ZNF800: variants seen among roughly 807,000 people sequenced by gnomAD.
ZNF800 encodes the protein zinc finger protein 800.
A neutral mutation model predicts 59.5 loss-of-function variants in ZNF800; 13 were observed. That is an observed-to-expected ratio of 0.22 (90% CI 0.14 to 0.35). ZNF800 has a LOEUF of 0.35. Ranked by LOEUF, ZNF800 falls within the 10% of genes least tolerant of loss-of-function variation. The pLI, the probability that ZNF800 is intolerant of heterozygous loss-of-function variation, is 1.00. For missense variants in ZNF800, 621 were observed against 783.7 expected (o/e 0.79, Z 2.48); for synonymous variants, 266 against 265.7 (o/e 1.00, Z -0.01).
At chr7:127,368,610 TC>T (rs1323461768), downstream of ZNF800, among the ~76,000 whole-genome samples, 2 of 152,148 alleles carry the variant, frequency 1.3e-5, no homozygotes, top group Non-Finnish European at 2.9e-5. Context: ...TTGAAGCATC[TC>T]TACCTCATTT....
At position 127,374,430 on chromosome 7, in the gene ZNF800, T is replaced by G; in HGVS notation, c.906A>C (p.Val302=). The part of the protein sequence containing the change: ...CCKSFATKAN[V]RRHFDEVHRG... ...TATGAACTTCATCAAAATGCCTCCT[T>G]ACATTCGCTTTTGTAGCAAATGATT... The change falls in exon 5 of 6, where the codon GTA becomes GTC. Residue 302 remains valine (V), a synonymous_variant. Transcript: ENST00000265827. 1 of 1,614,020 alleles carries G rather than the reference T, an allele frequency of 6.2e-7. No individual in the cohort carries two copies. Among genetic ancestry groups the G allele is most frequent in the Non-Finnish European group, 8.5e-7 (1 of 1,179,976 alleles).
In ZNF800 at chr7:127,374,262, T is replaced by G. The variant is rs1236340026; in HGVS notation, c.1074A>C (p.Ala358=). 21 of 1,613,996 alleles carry G rather than the reference T, an allele frequency of 1.3e-5. No individual in the cohort carries two copies. The highest frequency in any genetic ancestry group is 1.8e-5 in the Non-Finnish European group (21 of 1,179,972). ...SSSKAEYNLT[A]CKCLLCKRKY... ...TCCTCTTGCAAAGGAGGCATTTGCA[T>G]GCAGTTAAATTGTATTCAGCCTTTG... is the stretch of plus-strand genomic sequence containing the variant. The change falls in exon 5 of 6, where the codon GCA becomes GCC. Residue 358 remains alanine (A), a synonymous_variant. Transcript: ENST00000265827.
chr7:127,365,988 T>C (rs964960557), downstream of ZNF800, among the ~76,000 whole-genome samples: 2 of 152,168 alleles, frequency 1.3e-5, no homozygotes, highest in African/African-American at 4.8e-5. Flanking sequence ...ATACACATCA[T>C]TAAGCTTTTA....
At position 127,385,390 on chromosome 7, in the gene ZNF800, G is replaced by A. The variant is rs538387624; in HGVS notation, c.157+670C>T. On this transcript the variant is annotated intron_variant, in intron 3 of 5. Coordinates refer to ENST00000265827, the MANE Select transcript of ZNF800 (RefSeq NM_176814.5). Reference sequence around the variant, plus strand: ...AACATCTTACTGATAACATAGGGGCGCTAACAGTTCCCAATCATTTCACAT... The same window carrying A: ...AACATCTTACTGATAACATAGGGGCACTAACAGTTCCCAATCATTTCACAT... 4.6e-5 allele frequency among the ~76,000 whole-genome samples: 7 copies of A among 152,228 alleles called. No individual in the cohort carries two copies. The East Asian group carries it at 7.7e-4, about 17-fold the overall frequency.
chr7:127,372,726 C>T, intron 5 of ZNF800: 2 of 985,278 alleles, frequency 2.0e-6, no homozygotes, highest in Non-Finnish European at 2.4e-6. Flanking sequence ...AAAATCCAAA[C>T]TTCTATTTAC....
At position 127,374,281 on chromosome 7, in the gene ZNF800, G is replaced by A; in HGVS notation, c.1055C>T (p.Ala352Val). 1 of 1,613,622 alleles carries A rather than the reference G, an allele frequency of 6.2e-7. No homozygotes were observed. ...TTTGCATGCAGTTAAATTGTATTCA[G>A]CCTTTGAAGAAGACTTTTGTTTTCG... Reference protein sequence around the residue: ...KTRKQKSSSKAEYNLTACKCL... With the variant: ...KTRKQKSSSKVEYNLTACKCL... Residue 352 changes from alanine (A) to valine (V), a missense_variant, in exon 5 of 6, where the codon GCT (alanine) becomes GTT (valine). This residue lies in a region of ZNF800 where 185 missense variants were observed against 177.6 expected (regional missense o/e 1.04). Coordinates refer to ENST00000265827, the MANE Select transcript of ZNF800 (RefSeq NM_176814.5).
chr7:127,352,475 C>T (rs1407490039), intron 1 of ZNF800, among the ~76,000 whole-genome samples: 1 of 152,212 alleles, frequency 6.6e-6, no homozygotes, highest in Admixed American at 6.5e-5. Context: ...TGAACAATAT[C>T]TGGTCTGAGT....
intron 1 of ZNF800, among the ~76,000 whole-genome samples, chr7:127,359,487 A>G (rs1587426029): frequency 6.6e-6 from 1 of 152,224 alleles, no homozygotes; most frequent in East Asian, 1.9e-4. Flanking sequence ...TAAAGAAATT[A>G]AAGTTATTTT....
downstream of ZNF800, among the ~76,000 whole-genome samples, chr7:127,367,410 C>A (rs1437040932): frequency 6.6e-6 from 1 of 152,046 alleles, no homozygotes; most frequent in Admixed American, 6.6e-5. Flanking sequence ...GCTATGTGAA[C>A]CTAAGTAAAT....
rs879421233 is a variant in ZNF800, at chr7:127,377,824, G to A, written c.158-495C>T. 6.6e-6 allele frequency among the ~76,000 whole-genome samples: 1 copy of A among 151,964 alleles called. No homozygotes were observed. The highest frequency in any genetic ancestry group is 2.4e-5 in the African/African-American group (1 of 41,402). On this transcript the variant is annotated intron_variant, in intron 3 of 5. Coordinates refer to ENST00000265827, the MANE Select transcript of ZNF800 (RefSeq NM_176814.5). This position sits in a 1 kb window ranked among gnomAD's most constrained non-coding sequence, Gnocchi z 4.7. ...ATTTTCCCCTTATTCCTTAAAGAAG[G>A]TCAAAACTGTATTACAGGATTGCCT...
intron 3 of ZNF800, among the ~76,000 whole-genome samples, chr7:127,383,290 T>C (rs1361946189): frequency 6.6e-6 from 1 of 152,232 alleles, no homozygotes; most frequent in Non-Finnish European, 1.5e-5. Context: ...CAGTTGAAGA[T>C]AACTATCTGA....
chr7:127,377,354 CTT>C lies in ZNF800; in HGVS notation c.158-27_158-26del, dbSNP rs1469580088. On this transcript the variant is annotated intron_variant, in intron 3 of 5. Transcript: ENST00000265827. This position sits in a 1 kb window ranked among gnomAD's most constrained non-coding sequence, Gnocchi z 4.7. Reference sequence around the variant, plus strand: ...CCTGAGAGAAAAAAGAAAAGAAAAACTTAACACAAAAGGTAACTTTAACATGC... The same window carrying C: ...CCTGAGAGAAAAAAGAAAAGAAAAACAACACAAAAGGTAACTTTAACATGC... 1.9e-6 allele frequency: 3 copies of C among 1,571,346 alleles called. No individual in the cohort carries two copies. Among genetic ancestry groups the C allele is most frequent in the Non-Finnish European group, 2.6e-6 (3 of 1,157,568 alleles).
chr7:127,361,327 C>T (rs1800388306), intron 1 of ZNF800: 1 of 152,114 alleles, frequency 6.6e-6, no homozygotes, highest in Non-Finnish European at 1.5e-5. Context: ...CCTGTAATCC[C>T]ATCGCTTTGT....
At chr7:127,352,885 A>G (rs1273324096) in intron 1 of ZNF800, among the ~76,000 whole-genome samples, 2 of 123,582 alleles carry the variant, frequency 1.6e-5, no homozygotes, top group Non-Finnish European at 3.3e-5. Context: ...TTAAACAGCA[A>G]AATCCCACGA....
In ZNF800 at chr7:127,374,309, T is replaced by G; in HGVS notation, c.1027A>C (p.Thr343Pro). Reference sequence around the variant, plus strand: ...TTTGAAGAAGACTTTTGTTTTCGAGTCTTAAAAGATTTTTTAGGAGAAATA... The same window carrying G: ...TTTGAAGAAGACTTTTGTTTTCGAGGCTTAAAAGATTTTTTAGGAGAAATA... Reference protein sequence around the residue: ...DSISPKKSFKTRKQKSSSKAE... With the variant: ...DSISPKKSFKPRKQKSSSKAE... The change falls in exon 5 of 6, where the codon ACT becomes CCT. Residue 343 changes from threonine to proline, a missense_variant. Physicochemically the swap from Thr to Pro is conservative, Grantham distance 38 (BLOSUM62 -1). Transcript: ENST00000265827. The G allele has an allele frequency of 1.2e-6, 2 of 1,613,124 alleles. No individual in the cohort carries two copies. Among genetic ancestry groups the G allele is most frequent in the Non-Finnish European group, 1.7e-6 (2 of 1,179,762 alleles).
At chr7:127,354,103 C>G (rs1039490266) in intron 1 of ZNF800, among the ~76,000 whole-genome samples, 1 of 152,120 alleles carries the variant, frequency 6.6e-6, no homozygotes. Context: ...AATTTTTACA[C>G]AAGTCTGAAG....
chr7:127,374,720 T>C lies in ZNF800; in HGVS notation c.616A>G (p.Thr206Ala), dbSNP rs768876964. 2 of 1,614,028 alleles carry C rather than the reference T, an allele frequency of 1.2e-6. No individual in the cohort carries two copies. The highest frequency in any genetic ancestry group is 1.1e-5 in the South Asian group (1 of 91,074). Residue 206 changes from threonine to alanine, a missense_variant, in exon 5 of 6, where the codon ACA becomes GCA. Thr to Ala is a moderately conservative substitution (Grantham distance 58, BLOSUM62 0). Around this residue, in one of 7 missense-constraint regions of ZNF800, gnomAD observed 218 missense variants for 230.8 expected, o/e 0.94. Transcript: ENST00000265827. Reference protein sequence around the residue: ...VEIVTDEVAPTSDEQPQESQA... With the variant: ...VEIVTDEVAPASDEQPQESQA... ...GACTCCTGAGGTTGTTCATCAGATGTAGGTGCAACTTCATCTGTAACAATC... is the reference window on the plus strand; with the variant it reads ...GACTCCTGAGGTTGTTCATCAGATGCAGGTGCAACTTCATCTGTAACAATC...
At chr7:127,358,960 C>T (rs2117042340) in intron 1 of ZNF800, among the ~76,000 whole-genome samples, 1 of 152,230 alleles carries the variant, frequency 6.6e-6, no homozygotes, top group Non-Finnish European at 1.5e-5. Flanking sequence ...CTTATTATTA[C>T]TAATCTGTCC....
chr7:127,391,645 G>A, intron 1 of ZNF800, 30 bp from the exon 2 acceptor site: 6 of 1,223,378 alleles, frequency 4.9e-6, no homozygotes, highest in Middle Eastern at 2.0e-4. Context: ...CCCGTCACTC[G>A]CCCTGAACTT....
Sources: gnomAD v4.1 joint callset for allele counts (sites outside exome capture counted in the v4.1 genomes callset) on GRCh38, gnomAD v4.1.1 for gene constraint, gnomAD v4.1.1 regional missense constraint, Gnocchi (gnomAD v3.1) non-coding constraint, MANE v1.5 for transcripts, NCBI Gene and HGNC (gene_info 2026-07-23, HGNC 2026-07-21) for gene names.